The following DOCK9 variants were observed in gnomAD, a reference collection of about 807,000 sequenced individuals.
DOCK9 encodes the protein dedicator of cytokinesis protein 9.
DOCK9 carries 89 observed loss-of-function variants against 263.3 expected under a neutral mutation model. The ratio of observed to expected loss-of-function variants is 0.34; its 90% CI spans 0.28 to 0.40. The LOEUF (loss-of-function observed/expected upper bound fraction) is 0.40, where lower values mean the gene tolerates loss of function less well. Ranked by LOEUF, DOCK9 falls within the 10% of genes least tolerant of loss-of-function variation. The pLI is 1.00. For missense variants in DOCK9, 2,140 were observed against 2,603.4 expected, an observed-to-expected ratio of 0.82 and a Z score of 3.87; for synonymous variants, 976 against 973.1, an observed-to-expected ratio of 1.00 and a Z score of -0.06.
chr13:99,081,088 C>T (rs749168052), intron 1 of DOCK9, among the ~76,000 whole-genome samples: 6 of 152,114 alleles, frequency 3.9e-5, no homozygotes, highest in African/African-American at 7.2e-5. Flanking sequence ...ACCCTGCTTC[C>T]GATATTTTGG....
chr13:98,822,715 C>T (rs2092345318), intron 45 of DOCK9, among the ~76,000 whole-genome samples: 1 of 152,124 alleles, frequency 6.6e-6, no homozygotes, highest in South Asian at 2.1e-4. Flanking sequence ...CCACCCAGGC[C>T]TTTCAAGGTG....
chr13:99,050,879 T>C (rs1005981191), intron 1 of DOCK9, among the ~76,000 whole-genome samples: 3 of 152,084 alleles, frequency 2.0e-5, no homozygotes, highest in African/African-American at 4.8e-5. Context: ...AACCCTTGGA[T>C]CCAAAGATGT....
chr13:98,795,120 G>A (rs926263320), intron 52 of DOCK9, among the ~76,000 whole-genome samples: 4 of 152,350 alleles, frequency 2.6e-5, no homozygotes, highest in Non-Finnish European at 4.4e-5. Flanking sequence ...CTAGTGAATG[G>A]AGAGCCTTCT....
At chr13:98,927,294 C>T (rs2053126381) in intron 3 of DOCK9, among the ~76,000 whole-genome samples, 1 of 152,170 alleles carries the variant, frequency 6.6e-6, no homozygotes, top group Non-Finnish European at 1.5e-5. Context: ...TACATTCACA[C>T]TCAAAATTTC....
chr13:98,922,357 T>C (rs966102685), intron 5 of DOCK9, among the ~76,000 whole-genome samples: 3 of 152,202 alleles, frequency 2.0e-5, no homozygotes, highest in African/African-American at 7.2e-5. Flanking sequence ...GAAAACTTTA[T>C]TCCATTAAAG....
rs115761433 is a variant in DOCK9, at chr13:99,061,640, T to A, written c.129+24583A>T. Among the ~76,000 whole-genome samples, 264 of 152,068 alleles carry A rather than the reference T, an allele frequency of 1.7e-3. 2 individuals are homozygous for A. The highest frequency in any genetic ancestry group is 6.1e-3 in the African/African-American group (255 of 41,466). ...GAGGCAGCCTCACAGGAAGGGGAGC[T>A]CACTGGGGGCCTGAGTATCCCAGTG... On this transcript the variant is annotated intron_variant, in intron 1 of 32. Coordinates refer to the DOCK9 transcript ENST00000427887.
At chr13:98,821,441 C>T (rs953353119) in intron 45 of DOCK9, among the ~76,000 whole-genome samples, 1 of 152,172 alleles carries the variant, frequency 6.6e-6, no homozygotes, top group Non-Finnish European at 1.5e-5. Context: ...TGCAACATCC[C>T]TTGTTGGCTT....
intron 1 of DOCK9, among the ~76,000 whole-genome samples, chr13:99,033,708 G>A (rs1887582470): frequency 6.6e-6 from 1 of 152,086 alleles, no homozygotes. Context: ...GCTTAAAGAC[G>A]GTTAAAGACC....
chr13:98,944,212 G>C (rs1397428313), intron 2 of DOCK9, among the ~76,000 whole-genome samples: 1 of 152,066 alleles, frequency 6.6e-6, no homozygotes, highest in Non-Finnish European at 1.5e-5. Flanking sequence ...CTTCATTCAG[G>C]ATAAGAGAAT....
intron 1 of DOCK9, among the ~76,000 whole-genome samples, chr13:99,056,534 T>TA (rs1566366004): frequency 6.6e-6 from 1 of 152,160 alleles, no homozygotes; most frequent in African/African-American, 2.4e-5. Context: ...CAGACTTGGC[T>TA]AAAAAACCAG....
intron 19 of DOCK9, 100 bp from the exon 20 acceptor site, chr13:98,885,931 T>G: frequency 1.8e-6 from 2 of 1,138,102 alleles, no homozygotes; most frequent in Non-Finnish European, 2.4e-6. Context: ...AAACGTGCAC[T>G]TGTTCTCCGA....
chr13:99,075,556 G>T (rs1280380035), intron 1 of DOCK9, among the ~76,000 whole-genome samples: 3 of 151,472 alleles, frequency 2.0e-5, no homozygotes, highest in Non-Finnish European at 2.9e-5. Context: ...TTTAGAGATG[G>T]GTTCTCACTT....
intron 13 of DOCK9, among the ~76,000 whole-genome samples, chr13:98,901,227 T>C (rs191884694): frequency 9.2e-5 from 14 of 152,324 alleles, no homozygotes. Context: ...TGTCCATGCC[T>C]AGGCACTTCC....
At chr13:99,011,670 T>G (rs767037882) in intron 1 of DOCK9, among the ~76,000 whole-genome samples, 2 of 152,332 alleles carry the variant, frequency 1.3e-5, no homozygotes, top group East Asian at 3.9e-4. Context: ...AATAGCCCTA[T>G]GAGGCAAGTA....
At chr13:99,058,773 C>T (rs941380252) in intron 1 of DOCK9, among the ~76,000 whole-genome samples, 4 of 152,140 alleles carry the variant, frequency 2.6e-5, no homozygotes, top group Admixed American at 6.5e-5. Context: ...ACTCCACCCC[C>T]TAAAGCACTC....
In DOCK9 at chr13:98,888,613, A is replaced by C. The variant is rs1243470922; in HGVS notation, c.1789+19T>G. ...CAAACTAATAAAAATTCTGTCTATT[A>C]TGTAGAACTGACACTTACTAGGGAA... On this transcript the variant is annotated intron_variant, in intron 16 of 52. Transcript: ENST00000682017. 38 of 1,613,106 alleles carry C rather than the reference A, an allele frequency of 2.4e-5. No individual in the cohort carries two copies. The highest frequency in any genetic ancestry group is 2.6e-5 in the Non-Finnish European group (31 of 1,179,246).
intron 1 of DOCK9, among the ~76,000 whole-genome samples, chr13:98,966,273 G>C (rs1355049801): frequency 4.6e-5 from 7 of 152,216 alleles, no homozygotes; most frequent in Non-Finnish European, 8.8e-5. Flanking sequence ...TCCCTACCCT[G>C]ATACCGGCCA....
Position 98,831,822 on chromosome 13 carries a change from CAGTCACCTCTAGTAG to C in DOCK9, c.4315-51_4315-37del, listed in dbSNP as rs1281314381. The stretch of plus-strand genomic sequence containing the variant: ...ACATTGACGGCTTTGTTAGACATAC[CAGTCACCTCTAGTAG>C]GTTTCACACAATTTCAGGCTCAAGA... On this transcript the variant is annotated intron_variant, in intron 39 of 52. Transcript: ENST00000682017. The C allele has an allele frequency of 3.1e-6, 5 of 1,608,242 alleles. No homozygotes were observed. In the Admixed American group the frequency reaches 8.5e-5, roughly 27 times the overall value.
intron 5 of DOCK9, among the ~76,000 whole-genome samples, chr13:98,922,764 A>G (rs2140110353): frequency 6.6e-6 from 1 of 152,334 alleles, no homozygotes; most frequent in East Asian, 1.9e-4. Flanking sequence ...AATGGGGAGG[A>G]TGAGAAATGC....
Sources: allele counts gnomAD v4.1 joint callset (sites outside exome capture counted in the v4.1 genomes callset), GRCh38; gene constraint gnomAD v4.1.1; transcripts MANE v1.5; gene names NCBI Gene and HGNC (gene_info 2026-07-23, HGNC 2026-07-21).